AKAP12: variants seen among roughly 807,000 people sequenced by gnomAD.
AKAP12 encodes the protein A-kinase anchor protein 12.
AKAP12 carries 32 observed loss-of-function variants against 79.9 expected under a neutral mutation model. The observed-to-expected ratio is 0.40, with a 90% confidence interval of 0.30 to 0.54. The LOEUF (loss-of-function observed/expected upper bound fraction) is 0.54. Ranked by LOEUF, AKAP12 falls within the 20% of genes least tolerant of loss-of-function variation. AKAP12 has a pLI of 0.48. For missense variants in AKAP12, 2,074 were observed against 2,177.0 expected (o/e 0.95, Z 0.94); for synonymous variants, 808 against 857.0 (o/e 0.94, Z 1.00).
At chr6:151,320,627 C>T (rs1409962218) in intron 3 of AKAP12, among the ~76,000 whole-genome samples, 1 of 152,182 alleles carries the variant, frequency 6.6e-6, no homozygotes, top group Non-Finnish European at 1.5e-5. Flanking sequence ...CAGATTCGCA[C>T]TGCATCTTTC....
At chr6:151,279,785 G>T (rs1367850100) in intron 2 of AKAP12, among the ~76,000 whole-genome samples, 2 of 151,954 alleles carry the variant, frequency 1.3e-5, no homozygotes, top group African/African-American at 2.4e-5. Context: ...GGTTGAGTCT[G>T]CAGTGAGCTA....
At chr6:151,266,983 C>T (rs1776047658) in intron 2 of AKAP12, among the ~76,000 whole-genome samples, 2 of 138,728 alleles carry the variant, frequency 1.4e-5, no homozygotes, top group Non-Finnish European at 3.0e-5. Context: ...CGCCACTGCA[C>T]CAGCCTGGCG....
chr6:151,341,597 G>C (rs893721794), intron 3 of AKAP12: 9 of 684,430 alleles, frequency 1.3e-5, no homozygotes, highest in African/African-American at 2.0e-5. Flanking sequence ...TATGGCAGCC[G>C]GCAGGGGCGC....
Position 151,240,496 on chromosome 6 carries a change from C to T in AKAP12, c.-67C>T. ...GCGGGCGCGCGTCTTTTGGCTCTTG[C>T]CCCTGTCCCTGCGGCTTGGGGAAGG... On this transcript the variant is annotated 5_prime_UTR_variant, in exon 2 of 5. Transcript: ENST00000402676. 3 of 1,353,684 alleles carry T rather than the reference C, an allele frequency of 2.2e-6. No homozygotes were observed. Among genetic ancestry groups the T allele is most frequent in the Non-Finnish European group, 1.9e-6 (2 of 1,057,640 alleles). 83.9% of individuals were successfully genotyped at this position (1,353,684 alleles called of 1,614,324 possible). A position where few individuals can be genotyped will look rare whatever the true frequency, so the allele number is the denominator to read the frequency against.
intron 2 of AKAP12, among the ~76,000 whole-genome samples, chr6:151,280,135 C>T (rs1319654570): frequency 6.6e-6 from 1 of 151,570 alleles, no homozygotes; most frequent in Non-Finnish European, 1.5e-5. Context: ...TCAGTATACA[C>T]AGATCTGGCT....
chr6:151,317,339 A>G (rs1272429286), intron 3 of AKAP12, among the ~76,000 whole-genome samples: 1 of 152,110 alleles, frequency 6.6e-6, no homozygotes, highest in Non-Finnish European at 1.5e-5. Flanking sequence ...CAGAGAATAA[A>G]CTCACCTCCT....
rs182677073 is a variant in AKAP12 at position 151,324,806 on chromosome 6, C to G, written c.319+18903C>G. On this transcript the variant is annotated intron_variant, in intron 3 of 4. Transcript: ENST00000402676. ...TGTGAGACCACACCAACTCATTCGT[C>G]ACTCGTGTCTTTACAAAGAACAAAC... 9.0e-5 allele frequency: 89 copies of G among 985,374 alleles called. No homozygotes were observed. In the African/African-American group the frequency reaches 1.5e-3, roughly 16 times the overall value. The allele number at this position is 985,374 out of a possible 1,614,324, so 61.0% of individuals were successfully genotyped here. A position where few individuals can be genotyped will look rare whatever the true frequency, so the allele number is the denominator to read the frequency against.
intron 2 of AKAP12, among the ~76,000 whole-genome samples, chr6:151,275,344 G>T (rs1582849451): frequency 6.6e-6 from 1 of 152,106 alleles, no homozygotes; most frequent in South Asian, 2.1e-4. Context: ...AAAGGCTGAG[G>T]TTTCCAATGC....
At chr6:151,313,032 G>A (rs1230575710) in intron 3 of AKAP12, among the ~76,000 whole-genome samples, 1 of 152,176 alleles carries the variant, frequency 6.6e-6, no homozygotes, top group Non-Finnish European at 1.5e-5. Flanking sequence ...AGGAGGAGCT[G>A]TTGGCTTTAA....
intron 3 of AKAP12, chr6:151,341,844 T>C (rs1387503312): frequency 1.6e-6 from 2 of 1,258,778 alleles, no homozygotes; most frequent in Non-Finnish European, 2.1e-6. Flanking sequence ...AAAGCCTCTC[T>C]ACTGGCCAAG....
Position 151,351,212 on chromosome 6 carries a change from G to A in AKAP12, c.2821G>A (p.Val941Ile), listed in dbSNP as rs1400994021. 2 of 1,614,108 alleles carry A rather than the reference G, an allele frequency of 1.2e-6. No homozygotes were observed. The highest frequency in any genetic ancestry group is 1.7e-6 in the Non-Finnish European group (2 of 1,180,050). Residue 941 changes from valine (V) to isoleucine (I), a missense_variant, in exon 4 of 5, where the codon GTA becomes ATA. Physicochemically the swap from Val to Ile is conservative, Grantham distance 29. Coordinates refer to ENST00000402676, the MANE Select transcript of AKAP12 (RefSeq NM_005100.4). The surrounding 1 kb of genome is among the most constrained non-coding windows in gnomAD (Gnocchi z 4.4). The part of the protein sequence containing the change: ...LLTEEVLERE[V>I]IAEEEPPTVT... ...AACTGAGGAGGTATTGGAAAGAGAA[G>A]TAATTGCAGAAGAAGAACCCCCCAC...
At position 151,358,373 on chromosome 6, in the gene AKAP12, T is replaced by C. The variant is rs1296186759; in HGVS notation, c.*2659T>C. ...TGTACATAGATAAATTGTTCCAATA[T>C]TTTCCTTTGATGTTTGGAACTACAG... On this transcript the variant is annotated 3_prime_UTR_variant, in exon 5 of 5. Coordinates refer to ENST00000402676, the MANE Select transcript of AKAP12 (RefSeq NM_005100.4). The C allele has an allele frequency of 2.6e-5, 4 of 152,234 alleles. No homozygotes were observed. Among genetic ancestry groups the C allele is most frequent in the Non-Finnish European group, 5.9e-5 (4 of 68,034 alleles). 9.4% of individuals were successfully genotyped at this position (152,234 alleles called of 1,614,324 possible). A position where few individuals can be genotyped will look rare whatever the true frequency, so the allele number is the denominator to read the frequency against.
Position 151,287,868 on chromosome 6 carries a change from G to A in AKAP12, c.163-17879G>A, listed in dbSNP as rs149041867. On this transcript the variant is annotated intron_variant, in intron 2 of 4. Coordinates refer to ENST00000402676, the MANE Select transcript of AKAP12 (RefSeq NM_005100.4). ...AGGAAATGTGGCACATATACACCACGGAATACTATGCAGCCATAAGAAAGG... is the reference window on the plus strand; with the variant it reads ...AGGAAATGTGGCACATATACACCACAGAATACTATGCAGCCATAAGAAAGG... Among the ~76,000 whole-genome samples the A allele has an allele frequency of 6.6e-3, 1,005 of 152,226 alleles. 9 individuals are homozygous for A. The highest frequency in any genetic ancestry group is 0.022 in the African/African-American group (908 of 41,524).
intron 4 of AKAP12, among the ~76,000 whole-genome samples, chr6:151,354,575 G>A (rs755678363): frequency 3.4e-4 from 51 of 149,226 alleles, no homozygotes; most frequent in African/African-American, 1.2e-3. Context: ...GGTTTTCACC[G>A]TGTTAGCCAG....
Position 151,351,228 on chromosome 6 carries a change from A to C in AKAP12, c.2837A>C (p.Glu946Ala). 1 of 1,614,226 alleles carries C rather than the reference A, an allele frequency of 6.2e-7. No individual in the cohort carries two copies. Among genetic ancestry groups the C allele is most frequent in the Non-Finnish European group, 8.5e-7 (1 of 1,180,048 alleles). Residue 946 changes from glutamate (E) to alanine (A), a missense_variant, in exon 4 of 5, where the codon GAA becomes GCA. This residue lies in a region of AKAP12 where 1,428 missense variants were observed against 1,451.0 expected (regional missense o/e 0.98). Coordinates refer to ENST00000402676, the MANE Select transcript of AKAP12 (RefSeq NM_005100.4). The surrounding 1 kb of genome is among the most constrained non-coding windows in gnomAD (Gnocchi z 4.4). The part of the protein sequence containing the change: ...VLEREVIAEE[E>A]PPTVTEPLPE... ...GAAAGAGAAGTAATTGCAGAAGAAG[A>C]ACCCCCCACGGTTACTGAACCTCTG...
intron 2 of AKAP12, among the ~76,000 whole-genome samples, chr6:151,300,476 T>C (rs2251681): frequency 0.85 from 129,288 of 152,084 alleles, 55,180 homozygotes; most frequent in South Asian, 0.92. Context: ...CCTCTGCCCC[T>C]GGCATCCTGA....
intron 2 of AKAP12, among the ~76,000 whole-genome samples, chr6:151,274,312 C>A (rs1200368185): frequency 6.6e-6 from 1 of 152,120 alleles, no homozygotes; most frequent in Admixed American, 6.6e-5. Flanking sequence ...CTCCTGGGCT[C>A]AAGCAATCCA....
Position 151,353,353 on chromosome 6 carries a change from G to C in AKAP12, c.4962G>C (p.Gln1654His). The C allele has an allele frequency of 6.2e-7, 1 of 1,614,184 alleles. No individual in the cohort carries two copies. The highest frequency in any genetic ancestry group is 8.5e-7 in the Non-Finnish European group (1 of 1,180,040). Reference sequence around the variant, plus strand: ...TAGAAGGTTCCACTGTAAATGATCAGCAGCTGGAAGAGGTCGTCCTCCCAT... The same window carrying C: ...TAGAAGGTTCCACTGTAAATGATCACCAGCTGGAAGAGGTCGTCCTCCCAT... ...VEVEGSTVNDQQLEEVVLPSE... is the reference protein window; with the variant it reads ...VEVEGSTVNDHQLEEVVLPSE... The change falls in exon 4 of 5, where the codon CAG becomes CAC. Residue 1654 changes from glutamine (Q) to histidine (H), a missense_variant. Coordinates refer to ENST00000402676, the MANE Select transcript of AKAP12 (RefSeq NM_005100.4).
At chr6:151,344,517 TTTGTTG>T (rs34753223) in intron 3 of AKAP12, among the ~76,000 whole-genome samples, 34 of 151,684 alleles carry the variant, frequency 2.2e-4, no homozygotes, top group African/African-American at 8.0e-4. Context: ...CTCAGGCAGT[TTTGTTG>T]TTGTTGTTGT....
Sources: gnomAD v4.1 joint callset for allele counts (sites outside exome capture counted in the v4.1 genomes callset) on GRCh38, gnomAD v4.1.1 for gene constraint, gnomAD v4.1.1 regional missense constraint, Gnocchi (gnomAD v3.1) non-coding constraint, MANE v1.5 for transcripts, NCBI Gene and HGNC (gene_info 2026-07-23, HGNC 2026-07-21) for gene names.